The following PKHD1L1 variants were observed in gnomAD, a reference collection of about 807,000 sequenced individuals.
The protein encoded by PKHD1L1 is fibrocystin-L.
Under a neutral mutation model 462.9 loss-of-function variants are expected in PKHD1L1, and 434 were observed. The observed-to-expected ratio is 0.94, with a 90% CI of 0.87 to 1.02. PKHD1L1 has a LOEUF of 1.02. PKHD1L1 is among the 50% of genes least tolerant of loss of function. PKHD1L1 has a pLI of 0.00. For synonymous variants in PKHD1L1, 1,781 were observed against 1,750.0 expected, an observed-to-expected ratio of 1.02 and a Z score of -0.44; for missense variants, 5,202 against 5,096.1, an observed-to-expected ratio of 1.02 and a Z score of -0.63.
Position 109,464,869 on chromosome 8 carries a change from T to C in PKHD1L1, c.8037T>C (p.Tyr2679=). ...ATAACTTTGTGATGGTGAATAACTA[T>C]GAGGCTGGAATTGAGACTAAGAGGA... The part of the protein sequence containing the change: ...QFHNFVMVNN[Y]EAGIETKRIL... The change falls in exon 49 of 78, where the codon TAT becomes TAC. Residue 2679 remains tyrosine (Y), a synonymous_variant. Coordinates refer to ENST00000378402, the MANE Select transcript of PKHD1L1 (RefSeq NM_177531.6). 1 of 1,613,842 alleles carries C rather than the reference T, an allele frequency of 6.2e-7. No homozygotes were observed. The highest frequency in any genetic ancestry group is 8.5e-7 in the Non-Finnish European group (1 of 1,179,818).
intron 27 of PKHD1L1, among the ~76,000 whole-genome samples, chr8:109,431,837 C>G (rs1431641435): frequency 1.3e-5 from 2 of 152,094 alleles, no homozygotes; most frequent in Non-Finnish European, 2.9e-5. Context: ...AGTATATACC[C>G]AGACGTGCTA....
chr8:109,452,297 G>A lies in PKHD1L1; in HGVS notation c.6507+17G>A, dbSNP rs375730558. The A allele has an allele frequency of 6.5e-7, 1 of 1,547,152 alleles. No homozygotes were observed. The highest frequency in any genetic ancestry group is 1.3e-5 in the South Asian group (1 of 78,802). On this transcript the variant is annotated intron_variant, in intron 42 of 77. Transcript: ENST00000378402. ...GCCAAACTGGTAATAGTGCTGTTGG[G>A]TATAGTAATCACAGCAATAGAAAAC...
intron 3 of PKHD1L1, among the ~76,000 whole-genome samples, chr8:109,381,926 T>C (rs1812140610): frequency 6.6e-6 from 1 of 152,190 alleles, no homozygotes; most frequent in Non-Finnish European, 1.5e-5. Context: ...TTCTTTACTA[T>C]CAGCCCAAAT....
intron 77 of PKHD1L1, among the ~76,000 whole-genome samples, chr8:109,528,712 G>A (rs1820936798): frequency 6.6e-6 from 1 of 152,072 alleles, no homozygotes; most frequent in African/African-American, 2.4e-5. Context: ...AGTCCTTTCT[G>A]TAATATACTT....
At chr8:109,405,151 G>A (rs1363269587) in intron 16 of PKHD1L1, 21 bp downstream of exon 16, 1 of 1,350,326 alleles carries the variant, frequency 7.4e-7, no homozygotes, top group Non-Finnish European at 1.0e-6. Context: ...AATAATAAGG[G>A]AGATACTGTT....
chr8:109,470,167 G>A, intron 50 of PKHD1L1: 2 of 678,166 alleles, frequency 2.9e-6, no homozygotes, highest in Non-Finnish European at 5.1e-6. Flanking sequence ...ATATTTGGAT[G>A]AAGATTGGGA....
At chr8:109,405,193 T>C (rs1563742858) in intron 16 of PKHD1L1, 63 bp downstream of exon 16, 3 of 1,034,726 alleles carry the variant, frequency 2.9e-6, no homozygotes, top group Non-Finnish European at 4.0e-6. Flanking sequence ...TCATAAAGTA[T>C]TTGCTGTAGT....
intron 18 of PKHD1L1, among the ~76,000 whole-genome samples, chr8:109,409,275 A>T (rs1813716552): frequency 6.6e-6 from 1 of 151,508 alleles, no homozygotes; most frequent in African/African-American, 2.4e-5. Flanking sequence ...TTCAAGACGG[A>T]GTCTCACTCT....
intron 34 of PKHD1L1, 61 bp from the exon 35 acceptor site, chr8:109,441,946 A>C: frequency 7.1e-7 from 1 of 1,405,930 alleles, no homozygotes; most frequent in East Asian, 2.5e-5. Flanking sequence ...CCATGTTGTC[A>C]AAGATAATTA....
intron 30 of PKHD1L1, among the ~76,000 whole-genome samples, chr8:109,437,117 T>A (rs1230250258): frequency 6.6e-6 from 1 of 152,042 alleles, no homozygotes; most frequent in East Asian, 1.9e-4. Context: ...GGTTTCACCA[T>A]ATTGGCCAGG....
chr8:109,393,890 T>C (rs1812823375), intron 9 of PKHD1L1, among the ~76,000 whole-genome samples: 1 of 152,004 alleles, frequency 6.6e-6, no homozygotes, highest in African/African-American at 2.4e-5. Context: ...TAAAATCAAC[T>C]GTAGGGCCGG....
intron 1 of PKHD1L1, 127 bp from the exon 2 acceptor site, chr8:109,364,419 AT>A: frequency 1.4e-6 from 1 of 721,744 alleles, no homozygotes; most frequent in Non-Finnish European, 2.3e-6. Flanking sequence ...ACCTGGGTGA[AT>A]TTTACTTTCA....
intron 3 of PKHD1L1, 77 bp from the exon 4 acceptor site, chr8:109,382,386 G>T (rs1207899966): frequency 3.7e-5 from 43 of 1,152,516 alleles, no homozygotes; most frequent in Non-Finnish European, 5.0e-5. Flanking sequence ...GCAGTCTGGG[G>T]CAGTATTTTT....
chr8:109,371,185 T>G (rs961867941), intron 2 of PKHD1L1, among the ~76,000 whole-genome samples: 2 of 152,234 alleles, frequency 1.3e-5, no homozygotes, highest in African/African-American at 4.8e-5. Flanking sequence ...GACTTTTTAA[T>G]GATCGCCATT....
At chr8:109,394,228 A>G (rs1812854579) in intron 9 of PKHD1L1, among the ~76,000 whole-genome samples, 187 bp from the exon 10 acceptor site, 1 of 151,400 alleles carries the variant, frequency 6.6e-6, no homozygotes, top group African/African-American at 2.4e-5. Flanking sequence ...ATAGTTTGCA[A>G]TTTAGTAACA....
chr8:109,370,158 G>A (rs567851392), intron 2 of PKHD1L1, among the ~76,000 whole-genome samples: 2 of 151,906 alleles, frequency 1.3e-5, no homozygotes, highest in Admixed American at 6.6e-5. Flanking sequence ...TCGCTCTGTC[G>A]CCCAGGCTGG....
intron 50 of PKHD1L1, among the ~76,000 whole-genome samples, chr8:109,472,524 G>C (rs933427581): frequency 6.6e-6 from 1 of 151,870 alleles, no homozygotes. Context: ...ATTTTTTATT[G>C]AGTTACTAAA....
chr8:109,451,268 C>T (rs1386144827), intron 41 of PKHD1L1, 119 bp downstream of exon 41: 4 of 1,114,670 alleles, frequency 3.6e-6, no homozygotes, highest in East Asian at 2.8e-5. Flanking sequence ...CCTATATGCT[C>T]GTAACTTAAG....
Position 109,398,455 on chromosome 8 carries a change from A to G in PKHD1L1, c.923-4A>G, listed in dbSNP as rs372155912. ...TAACGGTTTTGTATCTTGCTTCTCT[A>G]TAGGTGAACCTTGTGATATTTTGAA... On this transcript the variant is annotated splice_region_variant and splice_polypyrimidine_tract_variant and intron_variant, in intron 11 of 77. Transcript: ENST00000378402. The G allele has an allele frequency of 6.6e-6, 10 of 1,525,906 alleles. No individual in the cohort carries two copies. The highest frequency in any genetic ancestry group is 2.7e-5 in the African/African-American group (2 of 72,920). The allele number at this position is 1,525,906 out of a possible 1,614,324, so 94.5% of individuals were successfully genotyped here.
Sources: allele counts gnomAD v4.1 joint callset (sites outside exome capture counted in the v4.1 genomes callset), GRCh38; gene constraint gnomAD v4.1.1; transcripts MANE v1.5; gene names NCBI Gene and HGNC (gene_info 2026-07-23, HGNC 2026-07-21).